Variants in LRP1B observed in about 807,000 individuals in gnomAD.
LRP1B encodes the protein LDL receptor related protein 1B.
Under a neutral mutation model 556.6 loss-of-function variants are expected in LRP1B, and 217 were observed. The ratio of observed to expected loss-of-function variants is 0.39; its 90% CI spans 0.35 to 0.44. The LOEUF (loss-of-function observed/expected upper bound fraction) is 0.44, where lower values mean the gene tolerates loss of function less well. LRP1B is among the 20% of genes least tolerant of loss of function. LRP1B has a pLI of 1.00. For synonymous variants in LRP1B, 2,047 were observed against 1,865.8 expected, an observed-to-expected ratio of 1.10 and a Z score of -2.50; for missense variants, 5,053 against 5,620.8, an observed-to-expected ratio of 0.90 and a Z score of 3.23.
chr2:141,413,112 AGCTACTT>A (rs935472832), intron 3 of LRP1B, among the ~76,000 whole-genome samples: 2 of 152,174 alleles, frequency 1.3e-5, no homozygotes, highest in Non-Finnish European at 2.9e-5. Context: ...CCATAGGACT[AGCTACTT>A]GGGAGGCTGA....
rs113586946 is a variant in LRP1B at position 141,238,735 on chromosome 2, T to C, written c.592+8491A>G. Among the ~76,000 whole-genome samples the C allele has an allele frequency of 3.4e-3, 515 of 152,212 alleles. 5 individuals carry two copies. The highest frequency in any genetic ancestry group is 0.011 in the African/African-American group (477 of 41,552). On this transcript the variant is annotated intron_variant, in intron 5 of 90. Coordinates refer to ENST00000389484, the MANE Select transcript of LRP1B (RefSeq NM_018557.3). Reference sequence around the variant, plus strand: ...AGAGTAATCTAATTCAGAATGTATTTACAAAGTTATAAACAAAGGGTTTGA... The same window carrying C: ...AGAGTAATCTAATTCAGAATGTATTCACAAAGTTATAAACAAAGGGTTTGA...
Position 140,457,545 on chromosome 2 carries a change from C to T in LRP1B, c.9732G>A (p.Ser3244=), listed in dbSNP as rs373307935. The change falls in exon 61 of 91, where the codon TCG becomes TCA. Residue 3244 remains serine, a synonymous_variant. Transcript: ENST00000389484. The part of the protein sequence containing the change: ...TKSLSRAHKT[S]GADRLSLIYS... ...AAATCAGTGAGAGTCTGTCTGCTCC[C>T]GATGTTTTATGGGCACGGCTGAGTG... 1.1e-5 allele frequency: 17 copies of T among 1,613,628 alleles called. No individual in the cohort carries two copies. Among genetic ancestry groups the T allele is most frequent in the Middle Eastern group, 1.6e-4 (1 of 6,080 alleles).
intron 14 of LRP1B, among the ~76,000 whole-genome samples, chr2:141,006,010 T>TC (rs1306163409): frequency 3.3e-5 from 5 of 151,850 alleles, no homozygotes; most frequent in Non-Finnish European, 4.4e-5. Flanking sequence ...GCGAAAGTGT[T>TC]CTCCCAGTGG....
intron 2 of LRP1B, among the ~76,000 whole-genome samples, chr2:141,517,029 A>AAAAAAAAAAAACAAAAAAAC (rs772472942): frequency 7.8e-5 from 7 of 90,176 alleles, no homozygotes; most frequent in East Asian, 4.0e-4. Flanking sequence ...AAAAAAAAAA[A>AAAAAAAAAAAACAAAAAAAC]AAAGTAAATC....
At chr2:141,166,905 T>C (rs1008622960) in intron 7 of LRP1B, among the ~76,000 whole-genome samples, 5 of 151,938 alleles carry the variant, frequency 3.3e-5, no homozygotes, top group African/African-American at 1.2e-4. Flanking sequence ...TGAAATACAT[T>C]TTTTCTAACA....
chr2:141,754,310 AT>A (rs1454385741), intron 2 of LRP1B, among the ~76,000 whole-genome samples: 1 of 152,126 alleles, frequency 6.6e-6, no homozygotes, highest in East Asian at 1.9e-4. Flanking sequence ...ACAAGGCACT[AT>A]TATTTTTCCA....
chr2:141,972,068 G>A (rs924094892), intron 1 of LRP1B, among the ~76,000 whole-genome samples: 1 of 151,342 alleles, frequency 6.6e-6, no homozygotes, highest in African/African-American at 2.4e-5. Flanking sequence ...TTGAATGCTG[G>A]AACATCATCA....
chr2:140,677,366 G>A (rs1048709966), intron 41 of LRP1B, among the ~76,000 whole-genome samples: 1 of 152,168 alleles, frequency 6.6e-6, no homozygotes, highest in Admixed American at 6.5e-5. Context: ...TGGGATCCAC[G>A]AAAGAGAGCA....
At chr2:141,902,126 T>C (rs1368625762) in intron 1 of LRP1B, among the ~76,000 whole-genome samples, 2 of 151,592 alleles carry the variant, frequency 1.3e-5, no homozygotes, top group Non-Finnish European at 2.9e-5. Context: ...GTACAAAAAG[T>C]AATAATTGAC....
intron 49 of LRP1B, among the ~76,000 whole-genome samples, chr2:140,522,594 C>T (rs1690229277): frequency 6.6e-6 from 1 of 151,512 alleles, no homozygotes; most frequent in Admixed American, 6.6e-5. Context: ...AAATGAGACC[C>T]CCAAAACTAT....
At chr2:140,280,041 T>C (rs904054557) in intron 84 of LRP1B, among the ~76,000 whole-genome samples, 1 of 151,882 alleles carries the variant, frequency 6.6e-6, no homozygotes, top group African/African-American at 2.4e-5. Context: ...TTATTTTTTA[T>C]ATTTCACTTT....
At chr2:140,518,176 T>C (rs1690000813) in intron 49 of LRP1B, among the ~76,000 whole-genome samples, 1 of 152,154 alleles carries the variant, frequency 6.6e-6, no homozygotes, top group Non-Finnish European at 1.5e-5. Context: ...ATTGTAGGCA[T>C]TTTATTTTTT....
chr2:142,128,817 C>A (rs571786247), intron 1 of LRP1B, among the ~76,000 whole-genome samples: 2 of 152,298 alleles, frequency 1.3e-5, no homozygotes, highest in African/African-American at 4.8e-5. Context: ...CCTCATGAAA[C>A]TAAATTGGCA....
intron 79 of LRP1B, among the ~76,000 whole-genome samples, chr2:140,329,301 C>T (rs1451866929): frequency 6.6e-6 from 1 of 152,052 alleles, no homozygotes; most frequent in Non-Finnish European, 1.5e-5. Flanking sequence ...ACTGAATAGG[C>T]AAATGCTGGA....
intron 41 of LRP1B, among the ~76,000 whole-genome samples, chr2:140,643,284 C>T (rs1262182405): frequency 6.6e-6 from 1 of 151,864 alleles, no homozygotes; most frequent in East Asian, 1.9e-4. Flanking sequence ...ATAGCTGTTA[C>T]TATTCAGAAG....
intron 3 of LRP1B, among the ~76,000 whole-genome samples, chr2:141,473,365 T>G (rs953806783): frequency 1.4e-4 from 22 of 152,100 alleles, no homozygotes; most frequent in Admixed American, 1.2e-3. Context: ...ATATAAACAA[T>G]AGTGGTATAG....
At chr2:141,002,873 A>T (rs140519085) in intron 15 of LRP1B, among the ~76,000 whole-genome samples, 1 of 151,994 alleles carries the variant, frequency 6.6e-6, no homozygotes, top group Non-Finnish European at 1.5e-5. Flanking sequence ...TATTTTTATT[A>T]AAAAAGGACT....
At chr2:140,972,962 A>G (rs1307447605) in intron 18 of LRP1B, among the ~76,000 whole-genome samples, 2 of 147,216 alleles carry the variant, frequency 1.4e-5, no homozygotes, top group Admixed American at 6.8e-5. Flanking sequence ...ATATATATAC[A>G]TATAATACAT....
chr2:141,553,318 T>A (rs1685823091), intron 2 of LRP1B, among the ~76,000 whole-genome samples: 1 of 151,934 alleles, frequency 6.6e-6, no homozygotes, highest in Non-Finnish European at 1.5e-5. Flanking sequence ...TGAGACTGGC[T>A]GCTTTTGTGA....
Sources: allele counts gnomAD v4.1 joint callset (sites outside exome capture counted in the v4.1 genomes callset), GRCh38; gene constraint gnomAD v4.1.1; transcripts MANE v1.5; gene names NCBI Gene and HGNC (gene_info 2026-07-23, HGNC 2026-07-21).